The following SLC24A2 variants were observed in gnomAD, a reference collection of about 807,000 sequenced individuals.
The protein encoded by SLC24A2 is solute carrier family 24 member 2.
Under a neutral mutation model 62.0 loss-of-function variants are expected in SLC24A2, and 36 were observed. The observed-to-expected ratio is 0.58, with a 90% CI of 0.44 to 0.77. The LOEUF (loss-of-function observed/expected upper bound fraction) is 0.77, where lower values mean the gene tolerates loss of function less well. Among genes scored for constraint, SLC24A2 ranks in the 30% least tolerant of loss-of-function variants. The pLI, the probability that SLC24A2 is intolerant of heterozygous loss-of-function variation, is 0.00. For missense variants in SLC24A2, 846 were observed against 817.9 expected, an observed-to-expected ratio of 1.03 and a Z score of -0.42; for synonymous variants, 358 against 294.0, an observed-to-expected ratio of 1.22 and a Z score of -2.23.
the SLC24A2 span, among the ~76,000 whole-genome samples, chr9:20,208,153 C>G: frequency 6.6e-6 from 1 of 152,028 alleles, no homozygotes; most frequent in African/African-American, 2.4e-5. Context: ...GAAATGGTAC[C>G]CCTTAGGAAA....
At chr9:20,117,307 G>C in the SLC24A2 span, among the ~76,000 whole-genome samples, 1 of 152,126 alleles carries the variant, frequency 6.6e-6, no homozygotes, top group Non-Finnish European at 1.5e-5. Context: ...GAGGAGGACA[G>C]AGCAACAGCA....
At chr9:19,836,214 A>G in the SLC24A2 span, among the ~76,000 whole-genome samples, 1 of 152,214 alleles carries the variant, frequency 6.6e-6, no homozygotes, top group Non-Finnish European at 1.5e-5. Context: ...GAAGGCAAGA[A>G]ATAACTAAGA....
the SLC24A2 span, among the ~76,000 whole-genome samples, chr9:19,820,379 A>G: frequency 1.3e-5 from 2 of 151,060 alleles, no homozygotes; most frequent in Non-Finnish European, 3.0e-5. Flanking sequence ...ACAAATTACC[A>G]CTAAAGAACT....
At chr9:19,568,034 G>C (rs1363703696) in intron 7 of SLC24A2, among the ~76,000 whole-genome samples, 1 of 152,182 alleles carries the variant, frequency 6.6e-6, no homozygotes, top group Non-Finnish European at 1.5e-5. Context: ...TAAAGTCTCA[G>C]GAGAATAACA....
chr9:19,680,149 A>T (rs1819678637), intron 2 of SLC24A2, among the ~76,000 whole-genome samples: 1 of 152,006 alleles, frequency 6.6e-6, no homozygotes, highest in South Asian at 2.1e-4. Flanking sequence ...GACAATACAG[A>T]ACTCTATTAA....
At chr9:20,084,044 T>C in the SLC24A2 span, among the ~76,000 whole-genome samples, 1 of 152,308 alleles carries the variant, frequency 6.6e-6, no homozygotes, top group East Asian at 1.9e-4. Context: ...CTTGCTTGCC[T>C]CCAAAAATAA....
intron 2 of SLC24A2, among the ~76,000 whole-genome samples, chr9:19,640,022 C>T (rs944991119): frequency 3.3e-5 from 5 of 152,194 alleles, no homozygotes; most frequent in Non-Finnish European, 7.3e-5. Context: ...AGCATAGTAA[C>T]TTGAGTTTAT....
intron 2 of SLC24A2, among the ~76,000 whole-genome samples, chr9:19,647,102 A>T (rs1818664609): frequency 6.7e-6 from 1 of 148,706 alleles, no homozygotes; most frequent in Non-Finnish European, 1.5e-5. Context: ...ACACACACAC[A>T]CACACACAGA....
At chr9:19,692,262 C>T (rs1820065889) in intron 2 of SLC24A2, among the ~76,000 whole-genome samples, 1 of 152,134 alleles carries the variant, frequency 6.6e-6, no homozygotes, top group Admixed American at 6.5e-5. Context: ...ACTATGTTGT[C>T]AAGTCACAAA....
intron 2 of SLC24A2, among the ~76,000 whole-genome samples, chr9:19,685,689 AAAATGGTGCT>A (rs1448356810): frequency 6.6e-6 from 1 of 152,090 alleles, no homozygotes; most frequent in African/African-American, 2.4e-5. Context: ...CCCTATTCAA[AAAATGGTGCT>A]TGGATAACTG....
At position 19,513,188 on chromosome 9, in the gene SLC24A2, ATATG is replaced by A. The variant is rs1554665766; in HGVS notation, c.*2961_*2964del. The stretch of plus-strand genomic sequence containing the variant: ...TATATATATATATGTATATATATAT[ATATG>A]TATATATTTATATATGTATATACAC... On this transcript the variant is annotated 3_prime_UTR_variant, in exon 11 of 11. Transcript: ENST00000341998. 7.1e-6 allele frequency: 1 copy of A among 140,444 alleles called. No individual in the cohort carries two copies. Among genetic ancestry groups the A allele is most frequent in the African/African-American group, 2.7e-5 (1 of 37,172 alleles). The allele number at this position is 140,444 out of a possible 1,614,324, so 8.7% of individuals were successfully genotyped here. A position where few individuals can be genotyped will look rare whatever the true frequency, so the allele number is the denominator to read the frequency against.
chr9:20,104,363 T>G, the SLC24A2 span, among the ~76,000 whole-genome samples: 11 of 151,988 alleles, frequency 7.2e-5, no homozygotes, highest in Non-Finnish European at 1.6e-4. Flanking sequence ...ACAAAGATAC[T>G]CCTCGAGAAG....
chr9:19,579,825 T>C (rs1212511287), intron 5 of SLC24A2, among the ~76,000 whole-genome samples: 1 of 152,000 alleles, frequency 6.6e-6, no homozygotes, highest in African/African-American at 2.4e-5. Context: ...CAGAGAGAAA[T>C]GGTAATAAAA....
the SLC24A2 span, among the ~76,000 whole-genome samples, chr9:20,172,208 G>C: frequency 6.6e-6 from 1 of 152,050 alleles, no homozygotes; most frequent in African/African-American, 2.4e-5. Flanking sequence ...CAAAGGCAGT[G>C]CTAAGAGGAA....
chr9:19,593,764 G>T (rs1029941228), intron 5 of SLC24A2, among the ~76,000 whole-genome samples: 16 of 152,054 alleles, frequency 1.1e-4, no homozygotes, highest in Non-Finnish European at 1.6e-4. Flanking sequence ...GGGGCTTTGG[G>T]GGGACACAGT....
chr9:20,205,668 A>C, the SLC24A2 span, among the ~76,000 whole-genome samples: 5 of 150,114 alleles, frequency 3.3e-5, no homozygotes, highest in Middle Eastern at 3.2e-3. Context: ...AAAAAAAAAA[A>C]AAAAAACAAA....
rs549306513 is a variant in SLC24A2, at chr9:19,648,676, G to C, written c.931-26377C>G. Among the ~76,000 whole-genome samples the C allele has an allele frequency of 9.9e-5, 15 of 152,260 alleles. No homozygotes were observed. In the South Asian group the frequency reaches 3.1e-3, roughly 32 times the overall value. On this transcript the variant is annotated intron_variant, in intron 2 of 10. Coordinates refer to ENST00000341998, the MANE Select transcript of SLC24A2 (RefSeq NM_020344.4). ...TTAATTCTACTGGGCAGGAGGAACC[G>C]AGGTAAACACTGATTTACTGACAAG...
At chr9:19,983,596 A>T in the SLC24A2 span, among the ~76,000 whole-genome samples, 2 of 152,116 alleles carry the variant, frequency 1.3e-5, no homozygotes, top group Non-Finnish European at 2.9e-5. Context: ...GTGAGCCAAG[A>T]TCGCACCACT....
At chr9:19,886,881 A>G in the SLC24A2 span, among the ~76,000 whole-genome samples, 1 of 152,194 alleles carries the variant, frequency 6.6e-6, no homozygotes, top group Non-Finnish European at 1.5e-5. Flanking sequence ...CATAAAAAGG[A>G]ATGAGACCAT....
Sources: gnomAD v4.1 joint callset for allele counts (sites outside exome capture counted in the v4.1 genomes callset) on GRCh38, gnomAD v4.1.1 for gene constraint, MANE v1.5 for transcripts, NCBI Gene and HGNC (gene_info 2026-07-23, HGNC 2026-07-21) for gene names.